SLC46A1: variants seen among roughly 807,000 people sequenced by gnomAD.
SLC46A1 encodes solute carrier family 46 member 1.
In SLC46A1, 17 loss-of-function variants were observed where a neutral mutation model predicts 32.1. That is an observed-to-expected ratio of 0.53 (90% CI 0.36 to 0.79). The LOEUF (loss-of-function observed/expected upper bound fraction) is 0.79, where lower values mean the gene tolerates loss of function less well. Among genes scored for constraint, SLC46A1 ranks in the 30% least tolerant of loss-of-function variants. The probability of loss-of-function intolerance (pLI) is 0.00; values close to 1 mark genes in which losing one functional copy is unlikely to be tolerated. For synonymous variants in SLC46A1, 240 were observed against 262.7 expected (o/e 0.91, Z 0.84); for missense variants, 517 against 588.2 (o/e 0.88, Z 1.25).
At chr17:28,405,693 A>T in intron 1 of SLC46A1, 194 bp downstream of exon 1, 1 of 940,354 alleles carries the variant, frequency 1.1e-6, no homozygotes, top group Non-Finnish European at 1.5e-6. Flanking sequence ...GCAAGGCCAG[A>T]CTTTAGCTCA....
rs1491002288 is a variant in SLC46A1, at chr17:28,395,489, G to A, written c.*4167C>T. ...ATTGATTAAATCATTGGCCATTGGT[G>A]ATTGAACTCAATCTCCAGCACCTCT... is the stretch of plus-strand genomic sequence containing the variant. On this transcript the variant is annotated 3_prime_UTR_variant, in exon 5 of 5. Coordinates refer to ENST00000612814, the MANE Select transcript of SLC46A1 (RefSeq NM_080669.6). 5.7e-6 allele frequency: 1 copy of A among 175,446 alleles called. No homozygotes were observed. The highest frequency in any genetic ancestry group is 1.4e-4 in the East Asian group (1 of 6,938). 10.9% of individuals were successfully genotyped at this position (175,446 alleles called of 1,614,324 possible).
Position 28,405,094 on chromosome 17 carries a change from G to C in SLC46A1, c.603C>G (p.His201Gln). The part of the protein sequence containing the change: ...AGMLASLLGG[H>Q]WLRAQGYANP... ...TGGCATAACCCTGGGCCCGGAGCCAGTGGCCCCCGAGGAGGCTTGCCAGCA... is the reference window on the plus strand; with the variant it reads ...TGGCATAACCCTGGGCCCGGAGCCACTGGCCCCCGAGGAGGCTTGCCAGCA... Residue 201 changes from histidine (H) to glutamine (Q), a missense_variant, in exon 2 of 5, where the codon CAC becomes CAG. Physicochemically the swap from His to Gln is conservative, Grantham distance 24 (BLOSUM62 0). Transcript: ENST00000612814. The C allele has an allele frequency of 6.2e-7, 1 of 1,613,898 alleles. No homozygotes were observed. The highest frequency in any genetic ancestry group is 8.5e-7 in the Non-Finnish European group (1 of 1,179,868).
Position 28,402,324 on chromosome 17 carries a change from G to A in SLC46A1, c.1082-3C>T, listed in dbSNP as rs782615249. The A allele has an allele frequency of 2.5e-6, 4 of 1,612,454 alleles. No individual in the cohort carries two copies. The highest frequency in any genetic ancestry group is 3.4e-6 in the Non-Finnish European group (4 of 1,179,236). ...TGACAGGAAAAGCAACCCATATCCT[G>A]TGGAGAAACAAACACTCATCAGGAA... On this transcript the variant is annotated splice_region_variant and splice_polypyrimidine_tract_variant and intron_variant, in intron 2 of 4. Coordinates refer to ENST00000612814, the MANE Select transcript of SLC46A1 (RefSeq NM_080669.6).
At chr17:28,402,370 C>T (rs377272855) in intron 2 of SLC46A1, 49 bp from the exon 3 acceptor site, 262 of 1,521,554 alleles carry the variant, frequency 1.7e-4, no homozygotes, top group Non-Finnish European at 2.2e-4. Flanking sequence ...GGGAGAGGGG[C>T]GTCCAAGGGA....
In SLC46A1 at chr17:28,396,458, C is replaced by T; in HGVS notation, c.*3198G>A. ...TGGCCCACCTCCAACCCACTTTCCTCAGTATCTGGAGAGGGAAGGGAAGTC... is the reference window on the plus strand; with the variant it reads ...TGGCCCACCTCCAACCCACTTTCCTTAGTATCTGGAGAGGGAAGGGAAGTC... On this transcript the variant is annotated 3_prime_UTR_variant, in exon 5 of 5. Transcript: ENST00000612814. The T allele has an allele frequency of 1.4e-6, 1 of 738,122 alleles. No individual in the cohort carries two copies. The allele number at this position is 738,122 out of a possible 1,614,324, so 45.7% of individuals were successfully genotyped here.
Position 28,396,472 on chromosome 17 carries a change from G to T in SLC46A1, c.*3184C>A, listed in dbSNP as rs1381293656. ...CCCACTTTCCTCAGTATCTGGAGAG[G>T]GAAGGGAAGTCAGGCTTGGGCACGG... On this transcript the variant is annotated 3_prime_UTR_variant, in exon 5 of 5. Transcript: ENST00000612814. 1.2e-5 allele frequency: 8 copies of T among 686,872 alleles called. No individual in the cohort carries two copies. The highest frequency in any genetic ancestry group is 1.9e-5 in the Non-Finnish European group (8 of 417,060). 42.5% of individuals were successfully genotyped at this position (686,872 alleles called of 1,614,324 possible).
intron 3 of SLC46A1, 133 bp downstream of exon 3, chr17:28,402,105 T>G: frequency 1.4e-6 from 1 of 703,850 alleles, no homozygotes; most frequent in Non-Finnish European, 2.3e-6. Flanking sequence ...AGAAATGTGT[T>G]TGTTTTGGCC....
rs80338772 is a variant in SLC46A1, at chr17:28,404,743, G to C, written c.954C>G (p.Ser318Arg). The change falls in exon 2 of 5, where the codon AGC becomes AGG. Residue 318 changes from serine (S) to arginine (R), a missense_variant. Physicochemically the swap from Ser to Arg is moderately radical, Grantham distance 110. Coordinates refer to ENST00000612814, the MANE Select transcript of SLC46A1 (RefSeq NM_080669.6). Reference sequence around the variant, plus strand: ...ACTGCAGGAGCTTCAGGGCCAGCAGGCTGGTGAGGTAGGGGAGATGCTGAG... The same window carrying C: ...ACTGCAGGAGCTTCAGGGCCAGCAGCCTGGTGAGGTAGGGGAGATGCTGAG... ...SAAQHLPYLT[S>R]LLALKLLQYC... 2 of 1,614,030 alleles carry C rather than the reference G, an allele frequency of 1.2e-6. No homozygotes were observed. Among genetic ancestry groups the C allele is most frequent in the Admixed American group, 3.3e-5 (2 of 60,022 alleles).
rs886052739 is a variant in SLC46A1 at position 28,395,743 on chromosome 17, T to A, written c.*3913A>T. The A allele has an allele frequency of 1.5e-6, 1 of 681,322 alleles. No individual in the cohort carries two copies. The highest frequency in any genetic ancestry group is 2.5e-6 in the Non-Finnish European group (1 of 405,946). 42.2% of individuals were successfully genotyped at this position (681,322 alleles called of 1,614,324 possible). On this transcript the variant is annotated 3_prime_UTR_variant, in exon 5 of 5. Transcript: ENST00000612814. ...TGGGCAAAGGAAAAATATTTATTTT[T>A]TATTACACTACAAGGGTTAAGGTAG...
rs995336070 is a variant in SLC46A1, at chr17:28,396,484, A to C, written c.*3172T>G. ...AGTATCTGGAGAGGGAAGGGAAGTC[A>C]GGCTTGGGCACGGGAGGTTAGAACT... On this transcript the variant is annotated 3_prime_UTR_variant, in exon 5 of 5. Transcript: ENST00000612814. 5.9e-5 allele frequency: 38 copies of C among 649,132 alleles called. No individual in the cohort carries two copies. Among genetic ancestry groups the C allele is most frequent in the Admixed American group, 1.8e-4 (6 of 33,900 alleles). The allele number at this position is 649,132 out of a possible 1,614,324, so 40.2% of individuals were successfully genotyped here.
At position 28,406,050 on chromosome 17, in the gene SLC46A1, C is replaced by A. The variant is rs782817249; in HGVS notation, c.65G>T (p.Arg22Leu). 2.5e-6 allele frequency: 4 copies of A among 1,602,600 alleles called. No individual in the cohort carries two copies. The highest frequency in any genetic ancestry group is 3.4e-6 in the Non-Finnish European group (4 of 1,176,242). ...RARPAAAVLC[R>L]GPVEPLVFLA... ...GAAGACCAGCGGCTCTACCGGGCCC[C>A]GGCACAGCACGGCAGCCGCAGGGCG... The change falls in exon 1 of 5, where the codon CGG becomes CTG. Residue 22 changes from arginine to leucine, a missense_variant. Coordinates refer to ENST00000612814, the MANE Select transcript of SLC46A1 (RefSeq NM_080669.6). The surrounding 1 kb of genome is among the most constrained non-coding windows in gnomAD (Gnocchi z 4.5).
rs549805854 is a variant in SLC46A1 at position 28,398,486 on chromosome 17, T to G, written c.*1170A>C. 6.6e-6 allele frequency: 1 copy of G among 152,488 alleles called. No homozygotes were observed. Among genetic ancestry groups the G allele is most frequent in the African/African-American group, 2.4e-5 (1 of 41,582 alleles). 9.4% of individuals were successfully genotyped at this position (152,488 alleles called of 1,614,324 possible). A position where few individuals can be genotyped will look rare whatever the true frequency, so the allele number is the denominator to read the frequency against. ...ACCAGGTCAAGCACCTAGGCCTGGC[T>G]TCTCCTGAGACAGAGGACTCAGAAG... On this transcript the variant is annotated 3_prime_UTR_variant, in exon 5 of 5. Coordinates refer to ENST00000612814, the MANE Select transcript of SLC46A1 (RefSeq NM_080669.6).
Position 28,405,487 on chromosome 17 carries a change from C to G in SLC46A1, c.229-19G>C. On this transcript the variant is annotated intron_variant, in intron 1 of 4. Transcript: ENST00000612814. ...CCACTTCCTGTAGGGGCACAATGAC[C>G]AGGGTGCGGTTCCTCACTCTGGGTT... is the stretch of plus-strand genomic sequence containing the variant. 1 of 1,593,160 alleles carries G rather than the reference C, an allele frequency of 6.3e-7. No individual in the cohort carries two copies. Among genetic ancestry groups the G allele is most frequent in the African/African-American group, 1.3e-5 (1 of 74,634 alleles).
chr17:28,395,802 C>T lies in SLC46A1; in HGVS notation c.*3854G>A. On this transcript the variant is annotated 3_prime_UTR_variant, in exon 5 of 5. Transcript: ENST00000612814. Reference sequence around the variant, plus strand: ...GTGGACATCAGGACTGGTGTCCTGCCCTGGGCCCAGCCTCGGGCCAGTGGG... The same window carrying T: ...GTGGACATCAGGACTGGTGTCCTGCTCTGGGCCCAGCCTCGGGCCAGTGGG... 1 of 1,346,644 alleles carries T rather than the reference C, an allele frequency of 7.4e-7. No individual in the cohort carries two copies. Among genetic ancestry groups the T allele is most frequent in the Non-Finnish European group, 1.0e-6 (1 of 954,302 alleles). The allele number at this position is 1,346,644 out of a possible 1,614,324, so 83.4% of individuals were successfully genotyped here.
At position 28,405,152 on chromosome 17, in the gene SLC46A1, G is replaced by A; in HGVS notation, c.545C>T (p.Ala182Val). 6.2e-7 allele frequency: 1 copy of A among 1,611,804 alleles called. No homozygotes were observed. Among genetic ancestry groups the A allele is most frequent in the African/African-American group, 1.3e-5 (1 of 75,000 alleles). Reference sequence around the variant, plus strand: ...CACCCCGATGCTGGCTTCCAGCAGGGCCATCCGGAAGGTGCGGCTGCGACT... The same window carrying A: ...CACCCCGATGCTGGCTTCCAGCAGGACCATCCGGAAGGTGCGGCTGCGACT... The part of the protein sequence containing the change: ...SSSRSRTFRM[A>V]LLEASIGVAG... The change falls in exon 2 of 5, where the codon GCC becomes GTC. Residue 182 changes from alanine (A) to valine (V), a missense_variant. Ala to Val is a moderately conservative substitution (Grantham distance 64). Coordinates refer to ENST00000612814, the MANE Select transcript of SLC46A1 (RefSeq NM_080669.6).
rs1347093528 is a variant in SLC46A1, at chr17:28,395,525, G to A, written c.*4131C>T. ...ATCTCCAGCACCTCTCTGGAGGCTG[G>A]GAGGTGGGGCTGAAAGTTCCAATCC... On this transcript the variant is annotated 3_prime_UTR_variant, in exon 5 of 5. Coordinates refer to ENST00000612814, the MANE Select transcript of SLC46A1 (RefSeq NM_080669.6). 3 of 194,016 alleles carry A rather than the reference G, an allele frequency of 1.5e-5. No individual in the cohort carries two copies. The highest frequency in any genetic ancestry group is 7.0e-5 in the African/African-American group (3 of 42,832). 12.0% of individuals were successfully genotyped at this position (194,016 alleles called of 1,614,324 possible).
intron 4 of SLC46A1, chr17:28,400,390 G>A: frequency 1.8e-6 from 1 of 565,258 alleles, no homozygotes; most frequent in South Asian, 2.1e-5. Context: ...AAGCAGCAAT[G>A]TTAGCCTGAT....
chr17:28,405,414 G>A lies in SLC46A1; in HGVS notation c.283C>T (p.Leu95=), dbSNP rs1555591030. 6.3e-7 allele frequency: 1 copy of A among 1,590,712 alleles called. No homozygotes were observed. The highest frequency in any genetic ancestry group is 8.6e-7 in the Non-Finnish European group (1 of 1,169,240). The change falls in exon 2 of 5, where the codon CTG becomes TTG. Residue 95 remains leucine (L), a synonymous_variant. Coordinates refer to ENST00000612814, the MANE Select transcript of SLC46A1 (RefSeq NM_080669.6). ...AGGGTGGACGAGAAGAGCCCCACCA[G>A]GAAGCCGCCCACGTTCATGTAGAGG... The part of the protein sequence containing the change: ...WTLYMNVGGF[L]VGLFSSTLLG...
intron 1 of SLC46A1, chr17:28,405,669 C>G (rs41297077): frequency 9.2e-5 from 90 of 974,874 alleles, no homozygotes; most frequent in Middle Eastern, 3.3e-4. Flanking sequence ...CTTTCCCCCC[C>G]CTTTTGTTAA....
Sources: gnomAD v4.1 joint callset for allele counts on GRCh38, gnomAD v4.1.1 for gene constraint, Gnocchi (gnomAD v3.1) non-coding constraint, MANE v1.5 for transcripts, NCBI Gene and HGNC (gene_info 2026-07-23, HGNC 2026-07-21) for gene names.